The following GABRB3 variants were observed in gnomAD, a reference collection of about 807,000 sequenced individuals.
The protein encoded by GABRB3 is gamma-aminobutyric acid type A receptor subunit beta3.
In GABRB3, 14 loss-of-function variants were observed where a neutral mutation model predicts 52.1. The observed-to-expected ratio is 0.27, with a 90% CI of 0.18 to 0.42. GABRB3 has a LOEUF of 0.42. Among genes scored for constraint, GABRB3 ranks in the 10% least tolerant of loss-of-function variants. GABRB3 has a pLI of 1.00. For synonymous variants in GABRB3, 260 were observed against 232.3 expected, an observed-to-expected ratio of 1.12 and a Z score of -1.08; for missense variants, 307 against 609.1, an observed-to-expected ratio of 0.50 and a Z score of 5.22.
At chr15:26,564,791 G>T (rs1182518691) in intron 7 of GABRB3, among the ~76,000 whole-genome samples, 2 of 152,194 alleles carry the variant, frequency 1.3e-5, no homozygotes, top group African/African-American at 4.8e-5. Flanking sequence ...TCAATAATAA[G>T]AGTTCATAAT....
rs1025344290 is a variant in GABRB3 at position 26,546,750 on chromosome 15, C to A, written c.*1043G>T. 2 of 151,984 alleles carry A rather than the reference C, an allele frequency of 1.3e-5. No homozygotes were observed. The highest frequency in any genetic ancestry group is 6.6e-5 in the Admixed American group (1 of 15,234). 9.4% of individuals were successfully genotyped at this position (151,984 alleles called of 1,614,324 possible). The stretch of plus-strand genomic sequence containing the variant: ...TGATAGCAAGCGTAAGAAACAAAAT[C>A]TTGGTAAATATACATATATATGCAT... On this transcript the variant is annotated 3_prime_UTR_variant, in exon 9 of 9. Coordinates refer to ENST00000311550, the MANE Select transcript of GABRB3 (RefSeq NM_000814.6).
intron 7 of GABRB3, 94 bp downstream of exon 7, chr15:26,567,487 A>G: frequency 2.3e-6 from 3 of 1,277,794 alleles, no homozygotes; most frequent in Non-Finnish European, 3.4e-6. Flanking sequence ...CACGCTGTCA[A>G]AAAATGGTAG....
At chr15:26,612,100 A>C (rs1397218684) in intron 4 of GABRB3, 2 of 152,212 alleles carry the variant, frequency 1.3e-5, no homozygotes, top group Non-Finnish European at 2.9e-5. Flanking sequence ...ACAAAAAACA[A>C]TGGAAGTAAA....
At position 26,709,406 on chromosome 15, in the gene GABRB3, G is replaced by A. The variant is rs1889212698; in HGVS notation, c.240+62996C>T. 2.6e-5 allele frequency among the ~76,000 whole-genome samples: 4 copies of A among 151,726 alleles called. No homozygotes were observed. The South Asian group carries it at 8.3e-4, about 32-fold the overall frequency. On this transcript the variant is annotated intron_variant, in intron 3 of 8. Coordinates refer to ENST00000311550, the MANE Select transcript of GABRB3 (RefSeq NM_000814.6). ...ACATGCTGACCCTCCTTCTACTTCTGCCATGATTGGAAGCTTCCTGAGGCC... is the reference window on the plus strand; with the variant it reads ...ACATGCTGACCCTCCTTCTACTTCTACCATGATTGGAAGCTTCCTGAGGCC...
chr15:26,642,481 C>T (rs1024998905), intron 3 of GABRB3: 16 of 1,288,758 alleles, frequency 1.2e-5, no homozygotes, highest in East Asian at 5.5e-5. Context: ...CTATAAGCCA[C>T]GTTAGTTCCA....
At chr15:26,685,799 C>CT (rs371341373) in intron 3 of GABRB3, among the ~76,000 whole-genome samples, 15,676 of 131,040 alleles carry the variant, frequency 0.12, 960 homozygotes, top group Non-Finnish European at 0.15. Flanking sequence ...GTAAGATGGT[C>CT]TTTTTTTTTT....
chr15:26,628,024 C>A (rs556802790), intron 3 of GABRB3, among the ~76,000 whole-genome samples: 2 of 152,330 alleles, frequency 1.3e-5, no homozygotes, highest in East Asian at 1.9e-4. Flanking sequence ...AACACTGAGG[C>A]AAGACCCTCC....
intron 3 of GABRB3, among the ~76,000 whole-genome samples, chr15:26,660,092 T>G (rs762815938): frequency 2.0e-5 from 3 of 152,016 alleles, no homozygotes; most frequent in Admixed American, 6.6e-5. Flanking sequence ...TAGCCAGGCA[T>G]GGTGGCACGC....
intron 3 of GABRB3, among the ~76,000 whole-genome samples, chr15:26,633,928 G>A (rs558254964): frequency 6.6e-5 from 10 of 152,284 alleles, no homozygotes; most frequent in Admixed American, 1.3e-4. Flanking sequence ...CTAAATAAAC[G>A]GACTCTTAAT....
chr15:26,652,238 T>C (rs1374843258), intron 3 of GABRB3, among the ~76,000 whole-genome samples: 1 of 152,232 alleles, frequency 6.6e-6, no homozygotes, highest in Non-Finnish European at 1.5e-5. Context: ...CTTCAAGATG[T>C]TCCTCCTTTC....
chr15:26,547,704 CTGTG>C lies in GABRB3; in HGVS notation c.*85_*88del. On this transcript the variant is annotated 3_prime_UTR_variant, in exon 9 of 9. Coordinates refer to ENST00000311550, the MANE Select transcript of GABRB3 (RefSeq NM_000814.6). Reference sequence around the variant, plus strand: ...TATATGTGTGTGTCTGCTTGTGTGTCTGTGTGTGTACAGGTATAAAAACTTGACA... The same window carrying C: ...TATATGTGTGTGTCTGCTTGTGTGTCTGTGTACAGGTATAAAAACTTGACA... 1.0e-6 allele frequency: 1 copy of C among 959,868 alleles called. No individual in the cohort carries two copies. Among genetic ancestry groups the C allele is most frequent in the Admixed American group, 1.8e-5 (1 of 56,344 alleles). The allele number at this position is 959,868 out of a possible 1,614,324, so 59.5% of individuals were successfully genotyped here.
intron 4 of GABRB3, among the ~76,000 whole-genome samples, chr15:26,590,512 G>A (rs75617959): frequency 0.018 from 2,709 of 152,226 alleles, 70 homozygotes; most frequent in African/African-American, 0.056. Context: ...CATTTTACCA[G>A]GAAAAGGAAC....
intron 3 of GABRB3, among the ~76,000 whole-genome samples, chr15:26,687,745 C>T (rs567825365): frequency 2.0e-5 from 3 of 152,332 alleles, no homozygotes; most frequent in Admixed American, 6.5e-5. Context: ...TTCTGCTGCC[C>T]TGTAGCATAT....
rs114190928 is a variant in GABRB3, at chr15:26,725,436, C to A, written c.240+46966G>T. On this transcript the variant is annotated intron_variant, in intron 3 of 8. Transcript: ENST00000311550. ...TTATTGATCCACCCACTGACTGCCA[C>A]CTCTGCATCATCCTCCACACACCAC... Among the ~76,000 whole-genome samples the A allele has an allele frequency of 1.7e-3, 259 of 152,302 alleles. 1 individual carries two copies. The highest frequency in any genetic ancestry group is 6.1e-3 in the African/African-American group (253 of 41,562).
intron 3 of GABRB3, among the ~76,000 whole-genome samples, chr15:26,734,794 T>C (rs1452987812): frequency 1.3e-5 from 2 of 151,924 alleles, no homozygotes; most frequent in Admixed American, 6.6e-5. Context: ...CTTGGAGTGG[T>C]GGTGTGTACC....
At chr15:26,760,158 C>T (rs1890775635) in intron 3 of GABRB3, among the ~76,000 whole-genome samples, 1 of 152,216 alleles carries the variant, frequency 6.6e-6, no homozygotes, top group Non-Finnish European at 1.5e-5. Flanking sequence ...AGGAGATGGG[C>T]TCCGTGCCAC....
At chr15:26,610,051 G>A (rs72702187) in intron 4 of GABRB3, among the ~76,000 whole-genome samples, 7 of 152,044 alleles carry the variant, frequency 4.6e-5, no homozygotes, top group African/African-American at 7.2e-5. Context: ...ACCACATCTG[G>A]ACAATGAGAG....
chr15:26,684,269 G>T (rs1008032322), intron 3 of GABRB3, among the ~76,000 whole-genome samples: 4 of 152,150 alleles, frequency 2.6e-5, no homozygotes, highest in African/African-American at 9.7e-5. Flanking sequence ...AGAGACAATA[G>T]GTACACCCCC....
intron 3 of GABRB3, among the ~76,000 whole-genome samples, chr15:26,680,930 G>T (rs1888220355): frequency 6.6e-6 from 1 of 152,090 alleles, no homozygotes. Flanking sequence ...CTAGAAAAAA[G>T]GAAGTAAACT....
Sources: allele counts gnomAD v4.1 joint callset (sites outside exome capture counted in the v4.1 genomes callset), GRCh38; gene constraint gnomAD v4.1.1; transcripts MANE v1.5; gene names NCBI Gene and HGNC (gene_info 2026-07-23, HGNC 2026-07-21).